Variants in PMS1 observed in about 807,000 individuals in gnomAD.
PMS1 encodes the protein PMS1 protein homolog 1.
Under a neutral mutation model 93.1 loss-of-function variants are expected in PMS1, and 79 were observed. The observed-to-expected ratio is 0.85, with a 90% CI of 0.71 to 1.02. The LOEUF is 1.02. Among genes scored for constraint, PMS1 ranks in the 50% least tolerant of loss-of-function variants. The probability of loss-of-function intolerance (pLI) is 0.00; values close to 1 mark genes in which losing one functional copy is unlikely to be tolerated. For missense variants in PMS1, 1,064 were observed against 1,085.3 expected, an observed-to-expected ratio of 0.98 and a Z score of 0.28; for synonymous variants, 335 against 363.4, an observed-to-expected ratio of 0.92 and a Z score of 0.89.
intron 2 of PMS1, 68 bp from the exon 3 acceptor site, chr2:189,795,701 G>C: frequency 8.0e-7 from 1 of 1,249,338 alleles, no homozygotes; most frequent in Admixed American, 1.7e-5. Flanking sequence ...TTTCACTTGT[G>C]TTTCTTTCTA....
intron 1 of PMS1, chr2:189,785,526 T>C (rs1275216455): frequency 1.3e-5 from 2 of 152,222 alleles, no homozygotes; most frequent in Admixed American, 6.5e-5. Flanking sequence ...GAGTGCTATA[T>C]TCCAGGGGCT....
rs926845945 is a variant in PMS1 at position 189,867,640 on chromosome 2, CAG to C, written c.2343-157_2343-156del. Among the ~76,000 whole-genome samples the C allele has an allele frequency of 4.6e-5, 7 of 152,216 alleles. No homozygotes were observed. In the East Asian group the frequency reaches 1.3e-3, roughly 29 times the overall value. On this transcript the variant is annotated intron_variant, in intron 10 of 12. Coordinates refer to ENST00000441310, the MANE Select transcript of PMS1 (RefSeq NM_000534.5). ...CAGTAGGTATTTAATAAAATATTAA[CAG>C]AAATGTAAAACAGTGATTTCTCATA...
intron 5 of PMS1, among the ~76,000 whole-genome samples, chr2:189,821,508 A>C (rs1352428913): frequency 6.8e-6 from 1 of 147,318 alleles, no homozygotes; most frequent in Non-Finnish European, 1.5e-5. Flanking sequence ...CTTTCGAGTT[A>C]GAAAATATAA....
At chr2:189,820,601 C>G (rs901748916) in intron 5 of PMS1, among the ~76,000 whole-genome samples, 1 of 152,128 alleles carries the variant, frequency 6.6e-6, no homozygotes, top group Non-Finnish European at 1.5e-5. Context: ...GGTGTGTGAG[C>G]TACTATGCCT....
At chr2:189,853,220 A>AT (rs993767277) in intron 7 of PMS1, among the ~76,000 whole-genome samples, 4 of 151,464 alleles carry the variant, frequency 2.6e-5, no homozygotes, top group African/African-American at 9.7e-5. Flanking sequence ...TGCCCAGCTA[A>AT]TTTTTTTTGT....
At position 189,854,037 on chromosome 2, in the gene PMS1, T is replaced by C; in HGVS notation, c.921T>C (p.Asp307=). The C allele has an allele frequency of 1.2e-6, 2 of 1,604,720 alleles. No homozygotes were observed. Among genetic ancestry groups the C allele is most frequent in the Admixed American group, 1.7e-5 (1 of 59,760 alleles). ...TCGATGTTCCTACAGCTGATGTTGA[T>C]GTAAATTTAACACCAGATAAAAGCC... The part of the protein sequence containing the change: ...LKIDVPTADV[D]VNLTPDKSQV... The change falls in exon 8 of 13, where the codon GAT becomes GAC. Residue 307 remains aspartate, a synonymous_variant. Coordinates refer to ENST00000441310, the MANE Select transcript of PMS1 (RefSeq NM_000534.5).
intron 10 of PMS1, among the ~76,000 whole-genome samples, chr2:189,864,680 AAAAAAAAATATATATATATATATATATAT>A (rs2056436141): frequency 2.7e-4 from 12 of 44,188 alleles, no homozygotes; most frequent in Admixed American, 6.5e-4. Flanking sequence ...AAAAAAAAAA[AAAAAAAAATATATATATATATATATATAT>A]ATATATATAT....
At chr2:189,823,420 C>T (rs1163871296) in intron 5 of PMS1, among the ~76,000 whole-genome samples, 1 of 152,030 alleles carries the variant, frequency 6.6e-6, no homozygotes, top group East Asian at 1.9e-4. Flanking sequence ...TATCCCTCCC[C>T]CTTCCTCCCA....
chr2:189,798,757 A>ATTTTTTTTTTTT (rs757864750), intron 3 of PMS1, among the ~76,000 whole-genome samples: 12 of 79,920 alleles, frequency 1.5e-4, no homozygotes, highest in Non-Finnish European at 2.4e-4. Flanking sequence ...TAAGTATTTG[A>ATTTTTTTTTTTT]TTTTTTTTTT....
intron 1 of PMS1, among the ~76,000 whole-genome samples, chr2:189,786,754 A>G (rs2048382718): frequency 6.6e-6 from 1 of 152,182 alleles, no homozygotes; most frequent in African/African-American, 2.4e-5. Flanking sequence ...GAAATATAGG[A>G]AGAAAGTTGA....
chr2:189,856,296 C>T (rs564864336), intron 9 of PMS1, among the ~76,000 whole-genome samples: 1 of 152,020 alleles, frequency 6.6e-6, no homozygotes, highest in Non-Finnish European at 1.5e-5. Flanking sequence ...CCTGTTTCAT[C>T]CATACTTCCA....
chr2:189,803,666 G>A (rs1400974900), intron 3 of PMS1, among the ~76,000 whole-genome samples: 3 of 152,158 alleles, frequency 2.0e-5, no homozygotes, highest in African/African-American at 7.2e-5. Context: ...TCCTGCTCCA[G>A]ACACAGGGTC....
Position 189,812,150 on chromosome 2 carries a change from A to C in PMS1, c.419-5867A>C, listed in dbSNP as rs537985657. Reference sequence around the variant, plus strand: ...ACCCTGTTTCTACTAAAAATACGAAAATTATCTGGGTGTGGTGGTGCATAC... The same window carrying C: ...ACCCTGTTTCTACTAAAAATACGAACATTATCTGGGTGTGGTGGTGCATAC... On this transcript the variant is annotated intron_variant, in intron 4 of 12. Coordinates refer to ENST00000441310, the MANE Select transcript of PMS1 (RefSeq NM_000534.5). 3.9e-5 allele frequency among the ~76,000 whole-genome samples: 6 copies of C among 152,118 alleles called. No individual in the cohort carries two copies. In the South Asian group the frequency reaches 1.2e-3, roughly 32 times the overall value.
At chr2:189,818,321 T>C (rs1428488103) in intron 5 of PMS1, 141 bp downstream of exon 5, 1 of 624,128 alleles carries the variant, frequency 1.6e-6, no homozygotes, top group Non-Finnish European at 2.9e-6. Context: ...CTAACCACCA[T>C]GTGATGTTAT....
chr2:189,847,465 ATT>A (rs78614271), intron 6 of PMS1, among the ~76,000 whole-genome samples: 2 of 150,536 alleles, frequency 1.3e-5, no homozygotes, highest in African/African-American at 4.9e-5. Flanking sequence ...CTGTCTATGG[ATT>A]TTTTTTTAAT....
At chr2:189,827,795 T>G (rs1003603752) in intron 5 of PMS1, among the ~76,000 whole-genome samples, 2 of 151,914 alleles carry the variant, frequency 1.3e-5, no homozygotes, top group Non-Finnish European at 2.9e-5. Context: ...CTAAGAAAGT[T>G]GATTTCATAG....
chr2:189,828,451 A>G (rs1034223118), intron 5 of PMS1, among the ~76,000 whole-genome samples: 2 of 152,222 alleles, frequency 1.3e-5, no homozygotes, highest in African/African-American at 4.8e-5. Flanking sequence ...TTGTGTGTCA[A>G]TTATAAATTT....
At chr2:189,851,649 C>T (rs1477766563) in intron 6 of PMS1, among the ~76,000 whole-genome samples, 2 of 152,046 alleles carry the variant, frequency 1.3e-5, no homozygotes, top group African/African-American at 4.8e-5. Context: ...ATAAGGAGCC[C>T]CACGGTTCCT....
chr2:189,824,035 A>G (rs1366050527), intron 5 of PMS1, among the ~76,000 whole-genome samples: 2 of 152,208 alleles, frequency 1.3e-5, no homozygotes, highest in East Asian at 3.8e-4. Flanking sequence ...ATATAGGTCT[A>G]TGTAGATAAA....
Sources: gnomAD v4.1 joint callset for allele counts (sites outside exome capture counted in the v4.1 genomes callset) on GRCh38, gnomAD v4.1.1 for gene constraint, MANE v1.5 for transcripts, NCBI Gene and HGNC (gene_info 2026-07-23, HGNC 2026-07-21) for gene names.